The following ZNF804B variants were observed in gnomAD, a reference collection of about 807,000 sequenced individuals.
ZNF804B encodes zinc finger protein 804B.
Under a neutral mutation model 101.4 loss-of-function variants are expected in ZNF804B, and 80 were observed. That is an observed-to-expected ratio of 0.79 (90% CI 0.66 to 0.95). ZNF804B has a LOEUF of 0.95. Ranked by LOEUF, ZNF804B falls within the 40% of genes least tolerant of loss-of-function variation. ZNF804B has a pLI of 0.00. For missense variants in ZNF804B, 1,673 were observed against 1,561.9 expected (o/e 1.07, Z -1.20); for synonymous variants, 622 against 558.8 (o/e 1.11, Z -1.59).
chr7:89,199,006 A>G (rs7798290), intron 1 of ZNF804B, among the ~76,000 whole-genome samples: 112,514 of 151,618 alleles, frequency 0.74, 42,838 homozygotes, highest in African/African-American at 0.87. Context: ...GGTGTCCCTA[A>G]AAGGCCATGA....
At chr7:88,823,595 C>A (rs868314640) in intron 1 of ZNF804B, among the ~76,000 whole-genome samples, 1 of 152,090 alleles carries the variant, frequency 6.6e-6, no homozygotes, top group Non-Finnish European at 1.5e-5. Context: ...GCGGCAGGTA[C>A]GAGATTTCAG....
chr7:88,903,109 C>G (rs912579861), intron 1 of ZNF804B, among the ~76,000 whole-genome samples: 10 of 150,548 alleles, frequency 6.6e-5, no homozygotes, highest in Admixed American at 1.3e-4. Flanking sequence ...CTTCCTCCCC[C>G]CTCTAATAGT....
At chr7:88,761,383 C>G (rs76849025) in intron 1 of ZNF804B, among the ~76,000 whole-genome samples, 1 of 152,256 alleles carries the variant, frequency 6.6e-6, no homozygotes, top group South Asian at 2.1e-4. Context: ...CAATTAAACT[C>G]ACAGGGTTAG....
intron 1 of ZNF804B, among the ~76,000 whole-genome samples, chr7:89,211,040 T>C (rs1385900602): frequency 6.6e-6 from 1 of 152,224 alleles, no homozygotes; most frequent in African/African-American, 2.4e-5. Context: ...CCATTCTGAC[T>C]GGTGAGAGAT....
chr7:89,119,150 C>T (rs773345259), intron 1 of ZNF804B, among the ~76,000 whole-genome samples: 2 of 152,106 alleles, frequency 1.3e-5, no homozygotes, highest in Non-Finnish European at 2.9e-5. Flanking sequence ...ACCTACCTGA[C>T]CTCAAATGGC....
chr7:89,186,207 A>G (rs1788374070), intron 1 of ZNF804B, among the ~76,000 whole-genome samples: 1 of 152,150 alleles, frequency 6.6e-6, no homozygotes, highest in Non-Finnish European at 1.5e-5. Context: ...AAGTATTTAT[A>G]AAACAAATTA....
chr7:89,124,174 G>T (rs999479309), intron 1 of ZNF804B, among the ~76,000 whole-genome samples: 1 of 152,128 alleles, frequency 6.6e-6, no homozygotes, highest in Non-Finnish European at 1.5e-5. Context: ...AAACAAACTT[G>T]TACTGCAGTT....
At chr7:88,999,816 T>C (rs1332843549) in intron 1 of ZNF804B, among the ~76,000 whole-genome samples, 1 of 151,976 alleles carries the variant, frequency 6.6e-6, no homozygotes, top group Non-Finnish European at 1.5e-5. Context: ...ACTTACTAAA[T>C]AAAACATTTA....
intron 1 of ZNF804B, among the ~76,000 whole-genome samples, chr7:88,763,511 A>C (rs1211474379): frequency 6.6e-6 from 1 of 151,962 alleles, no homozygotes; most frequent in South Asian, 2.1e-4. Context: ...GGAATAATTG[A>C]GTAGAGATAG....
chr7:88,778,490 T>C (rs904052633), intron 1 of ZNF804B, among the ~76,000 whole-genome samples: 5 of 152,240 alleles, frequency 3.3e-5, no homozygotes, highest in Non-Finnish European at 7.3e-5. Flanking sequence ...TAGACTCCTA[T>C]ACATCTGTAG....
intron 1 of ZNF804B, among the ~76,000 whole-genome samples, chr7:88,931,465 G>A (rs987770676): frequency 6.6e-6 from 1 of 151,800 alleles, no homozygotes; most frequent in Non-Finnish European, 1.5e-5. Context: ...TGCAAAGGAA[G>A]GCTGCATCTG....
intron 1 of ZNF804B, among the ~76,000 whole-genome samples, chr7:89,031,357 G>A (rs1788831315): frequency 6.6e-6 from 1 of 151,302 alleles, no homozygotes; most frequent in African/African-American, 2.4e-5. Flanking sequence ...TTTCATTATG[G>A]CAGTCTTCAC....
rs548021163 is a variant in ZNF804B at position 89,198,224 on chromosome 7, CAT to C, written c.109-19928_109-19927del. 2.0e-3 allele frequency among the ~76,000 whole-genome samples: 303 copies of C among 151,894 alleles called. 1 individual carries two copies. Among genetic ancestry groups the C allele is most frequent in the African/African-American group, 7.0e-3 (292 of 41,514 alleles). On this transcript the variant is annotated intron_variant, in intron 1 of 3. Coordinates refer to ENST00000333190, the MANE Select transcript of ZNF804B (RefSeq NM_181646.5). The stretch of plus-strand genomic sequence containing the variant: ...GAAATGCTACTCACACATATGGAGT[CAT>C]ATGTAATTTTTAAAGCTTTTAACTA...
At chr7:89,127,506 A>G (rs936764335) in intron 1 of ZNF804B, among the ~76,000 whole-genome samples, 2 of 151,862 alleles carry the variant, frequency 1.3e-5, no homozygotes, top group Non-Finnish European at 2.9e-5. Context: ...GTACTTTTAA[A>G]AGTACAGGTC....
intron 1 of ZNF804B, among the ~76,000 whole-genome samples, chr7:88,817,173 C>G (rs984672273): frequency 1.3e-5 from 2 of 151,940 alleles, no homozygotes; most frequent in African/African-American, 4.8e-5. Flanking sequence ...ATAGTGAGAA[C>G]TGAACAATGA....
At chr7:89,134,425 CAG>C (rs1790599629) in intron 1 of ZNF804B, among the ~76,000 whole-genome samples, 1 of 152,208 alleles carries the variant, frequency 6.6e-6, no homozygotes, top group African/African-American at 2.4e-5. Flanking sequence ...ACATCCCTAA[CAG>C]AGCATAATCT....
intron 1 of ZNF804B, among the ~76,000 whole-genome samples, chr7:88,837,888 GT>G (rs562284232): frequency 2.0e-5 from 3 of 151,374 alleles, no homozygotes; most frequent in Admixed American, 1.3e-4. Context: ...ATCTCCCCAA[GT>G]TTTTTAAGAA....
chr7:89,073,749 G>A lies in ZNF804B; in HGVS notation c.109-144406G>A, dbSNP rs138176394. 2.1e-3 allele frequency among the ~76,000 whole-genome samples: 318 copies of A among 152,190 alleles called. 1 individual carries two copies. The highest frequency in any genetic ancestry group is 7.3e-3 in the African/African-American group (303 of 41,516). ...GGAACTCATCTGTGAAATAATCTGTGTACATCTTAAAATACTTTTGATCTG... is the reference window on the plus strand; with the variant it reads ...GGAACTCATCTGTGAAATAATCTGTATACATCTTAAAATACTTTTGATCTG... On this transcript the variant is annotated intron_variant, in intron 1 of 3. Transcript: ENST00000333190.
At chr7:88,988,247 A>G (rs1403974594) in intron 1 of ZNF804B, among the ~76,000 whole-genome samples, 1 of 152,006 alleles carries the variant, frequency 6.6e-6, no homozygotes, top group Non-Finnish European at 1.5e-5. Flanking sequence ...TATATCATGA[A>G]AGTGTGGATT....
Sources: allele counts gnomAD v4.1 joint callset (sites outside exome capture counted in the v4.1 genomes callset), GRCh38; gene constraint gnomAD v4.1.1; transcripts MANE v1.5; gene names NCBI Gene and HGNC (gene_info 2026-07-23, HGNC 2026-07-21).